Variants in RAB36 observed in about 807,000 individuals in gnomAD.
RAB36 encodes the protein RAB36, member RAS oncogene family.
A neutral mutation model predicts 39.3 loss-of-function variants in RAB36; 33 were observed. The observed-to-expected ratio is 0.84, with a 90% confidence interval of 0.64 to 1.12. The LOEUF (loss-of-function observed/expected upper bound fraction) is 1.12, where lower values mean the gene tolerates loss of function less well. RAB36 is among the 50% of genes most tolerant of loss of function. The pLI is 0.00. For synonymous variants in RAB36, 133 were observed against 140.2 expected, an observed-to-expected ratio of 0.95 and a Z score of 0.36; for missense variants, 308 against 355.3, an observed-to-expected ratio of 0.87 and a Z score of 1.07.
intron 10 of RAB36, among the ~76,000 whole-genome samples, 193 bp downstream of exon 10, chr22:23,161,191 C>T (rs1489678396): frequency 1.3e-5 from 2 of 152,190 alleles, no homozygotes; most frequent in South Asian, 2.1e-4. Flanking sequence ...AGGTCAGACA[C>T]CCTCCCTAGC....
Position 23,152,448 on chromosome 22 carries a change from A to G in RAB36, c.162-13A>G. On this transcript the variant is annotated splice_polypyrimidine_tract_variant and intron_variant, in intron 3 of 10. Coordinates refer to ENST00000263116, the MANE Select transcript of RAB36 (RefSeq NM_004914.5). ...AGGCATGCCCGACGGCAACACGGCC[A>G]TATTTCTCACAGGCTCAAACTCTCC... The G allele has an allele frequency of 6.2e-7, 1 of 1,614,142 alleles. No individual in the cohort carries two copies. The highest frequency in any genetic ancestry group is 8.5e-7 in the Non-Finnish European group (1 of 1,179,996).
chr22:23,153,692 CTTTTTT>C, intron 5 of RAB36: 54 of 273,078 alleles, frequency 2.0e-4, no homozygotes, highest in Non-Finnish European at 2.3e-4. Context: ...CCACTTCTGT[CTTTTTT>C]TTTTTTTTTT....
intron 2 of RAB36, among the ~76,000 whole-genome samples, chr22:23,149,646 T>C (rs2146502078): frequency 6.6e-6 from 1 of 152,358 alleles, no homozygotes; most frequent in Admixed American, 6.5e-5. Context: ...GAAGCAATCC[T>C]TCCACCTCAG....
rs372506083 is a variant in RAB36, at chr22:23,157,425, G to T, written c.395-567G>T. Reference sequence around the variant, plus strand: ...GCTACCACACCCAGCTAATTTTTTTGTGTGTGTGTATTTTTAGTAGAGACG... The same window carrying T: ...GCTACCACACCCAGCTAATTTTTTTTTGTGTGTGTATTTTTAGTAGAGACG... On this transcript the variant is annotated intron_variant, in intron 6 of 10. Transcript: ENST00000263116. 5.8e-3 allele frequency among the ~76,000 whole-genome samples: 874 copies of T among 151,926 alleles called. 9 individuals carry two copies. Among genetic ancestry groups the T allele is most frequent in the Middle Eastern group, 0.024 (7 of 294 alleles).
At chr22:23,150,304 CTTTTTT>C in intron 3 of RAB36, 150 bp downstream of exon 3, 1 of 444,524 alleles carries the variant, frequency 2.2e-6, no homozygotes, top group Non-Finnish European at 4.1e-6. Context: ...TTTTTTTTTT[CTTTTTT>C]TTTTTTTTTG....
At position 23,163,616 on chromosome 22, in the gene RAB36, C is replaced by CCCT. The variant is rs2071942618; in HGVS notation, c.*2052_*2053insCCT. On this transcript the variant is annotated 3_prime_UTR_variant, in exon 11 of 11. Transcript: ENST00000263116. ...AAATACAAGGTGAAAGCCCCCCCCCCGCCACATTAGCTGCGCCCCTGAAGT... is the reference window on the plus strand; with the variant it reads ...AAATACAAGGTGAAAGCCCCCCCCCCCCTGCCACATTAGCTGCGCCCCTGAAGT... 6.7e-6 allele frequency: 1 copy of CCCT among 148,934 alleles called. No individual in the cohort carries two copies. The highest frequency in any genetic ancestry group is 2.5e-5 in the African/African-American group (1 of 40,602). The allele number at this position is 148,934 out of a possible 1,614,324, so 9.2% of individuals were successfully genotyped here.
chr22:23,160,775 C>A, intron 9 of RAB36, 104 bp from the exon 10 acceptor site: 1 of 1,494,844 alleles, frequency 6.7e-7, no homozygotes, highest in Non-Finnish European at 9.1e-7. Flanking sequence ...CTAGAAAGGG[C>A]TACGTGCCAA....
chr22:23,145,347 C>T, upstream of RAB36: 2 of 1,600,136 alleles, frequency 1.2e-6, no homozygotes, highest in South Asian at 1.1e-5. Context: ...GCCCAGACTC[C>T]AGGCAGGTTC....
At chr22:23,166,018 C>T (rs2072042138), downstream of RAB36, among the ~76,000 whole-genome samples, 1 of 151,828 alleles carries the variant, frequency 6.6e-6, no homozygotes, top group African/African-American at 2.4e-5. Context: ...TGGTGGCACG[C>T]ACCTGTAGTC....
chr22:23,154,221 C>G (rs1011461276), intron 5 of RAB36, among the ~76,000 whole-genome samples: 2 of 152,164 alleles, frequency 1.3e-5, no homozygotes, highest in African/African-American at 4.8e-5. Context: ...CTTCCGTGCT[C>G]CCCTACATGG....
chr22:23,146,456 C>T (rs2146478862), intron 1 of RAB36, 149 bp from the exon 2 acceptor site: 1 of 1,327,876 alleles, frequency 7.5e-7, no homozygotes, highest in African/African-American at 1.5e-5. Context: ...AAGTGATCCT[C>T]CCACCTTGGC....
In RAB36 at chr22:23,161,569, G is replaced by A. The variant is rs737818; in HGVS notation, c.*5G>A. The stretch of plus-strand genomic sequence containing the variant: ...TCCAGCCTGGGCTGCTGCTAACTGG[G>A]GCCTGCGTGGAAGGCCTCCGCTCCC... On this transcript the variant is annotated 3_prime_UTR_variant, in exon 11 of 11. Transcript: ENST00000263116. The A allele has an allele frequency of 0.5, 803,934 of 1,601,454 alleles. 203,563 individuals carry two copies. Among genetic ancestry groups the A allele is most frequent in the East Asian group, 0.63 (28,251 of 44,678 alleles).
Position 23,153,108 on chromosome 22 carries a change from TG to T in RAB36, c.304del (p.Ala102LeufsTer31). Reference sequence around the variant, plus strand: ...ACTTTGAAATTGAGCGCTTTGAGATTGCTGGGATTCCCTATAGCCTCCAGAT... The same window carrying T: ...ACTTTGAAATTGAGCGCTTTGAGATTCTGGGATTCCCTATAGCCTCCAGAT... Reference protein sequence around the residue: ...VDFEIERFEIAGIPYSLQIWD... With the variant: ...VDFEIERFEIXGIPYSLQIWD... On this transcript the variant is annotated frameshift_variant, in exon 5 of 11. Coordinates refer to ENST00000263116, the MANE Select transcript of RAB36 (RefSeq NM_004914.5). LOFTEE classifies it high-confidence loss of function. 1 of 1,614,076 alleles carries T rather than the reference TG, an allele frequency of 6.2e-7. No homozygotes were observed. The highest frequency in any genetic ancestry group is 8.5e-7 in the Non-Finnish European group (1 of 1,179,976).
At chr22:23,167,273 C>A (rs2072068392), downstream of RAB36, among the ~76,000 whole-genome samples, 1 of 152,214 alleles carries the variant, frequency 6.6e-6, no homozygotes, top group Admixed American at 6.5e-5. Context: ...CCAAGCTCAG[C>A]CCTCCTCAGG....
intron 6 of RAB36, 57 bp from the exon 7 acceptor site, chr22:23,157,935 C>T: frequency 6.2e-7 from 1 of 1,609,502 alleles, no homozygotes; most frequent in Non-Finnish European, 8.5e-7. Flanking sequence ...TCCTGGGGAG[C>T]CCCCTTGCTC....
chr22:23,151,373 T>C (rs192289312), intron 3 of RAB36, among the ~76,000 whole-genome samples: 12 of 152,116 alleles, frequency 7.9e-5, no homozygotes, highest in Admixed American at 7.8e-4. Flanking sequence ...ATAGGAGAAA[T>C]GGAGTCAGAA....
chr22:23,155,987 G>A lies in RAB36; in HGVS notation c.349G>A (p.Glu117Lys). Residue 117 changes from glutamate to lysine, a missense_variant, in exon 6 of 11, where the codon GAG becomes AAG. Transcript: ENST00000263116. ...SLQIWDTAGQ[E>K]KFKCIASAYY... is the part of the protein sequence containing the mutation. Reference sequence around the variant, plus strand: ...TCACAGCTGGGACACAGCTGGGCAGGAGAAGTTCAAGTGCATCGCATCTGC... The same window carrying A: ...TCACAGCTGGGACACAGCTGGGCAGAAGAAGTTCAAGTGCATCGCATCTGC... The A allele has an allele frequency of 1.2e-6, 2 of 1,612,656 alleles. No individual in the cohort carries two copies. The highest frequency in any genetic ancestry group is 1.7e-4 in the Middle Eastern group (1 of 6,058).
chr22:23,161,891 C>T lies in RAB36; in HGVS notation c.*327C>T. On this transcript the variant is annotated 3_prime_UTR_variant, in exon 11 of 11. Transcript: ENST00000263116. ...CCTTTGGCCTCAAGAGGCCTCAGAA[C>T]TGCAAACTCCTGCGTCGGTCTATAC... is the stretch of plus-strand genomic sequence containing the variant. 2.9e-6 allele frequency: 1 copy of T among 344,248 alleles called. No individual in the cohort carries two copies. Among genetic ancestry groups the T allele is most frequent in the South Asian group, 3.1e-5 (1 of 32,492 alleles). The allele number at this position is 344,248 out of a possible 1,614,324, so 21.3% of individuals were successfully genotyped here.
At chr22:23,147,101 T>C (rs1393648180) in intron 2 of RAB36, among the ~76,000 whole-genome samples, 2 of 152,194 alleles carry the variant, frequency 1.3e-5, no homozygotes, top group Non-Finnish European at 2.9e-5. Flanking sequence ...CTCATCATCG[T>C]TGTTGTTATC....
Sources: allele counts gnomAD v4.1 joint callset (sites outside exome capture counted in the v4.1 genomes callset), GRCh38; gene constraint gnomAD v4.1.1; transcripts MANE v1.5; gene names NCBI Gene and HGNC (gene_info 2026-07-23, HGNC 2026-07-21).